The following RBMS3 variants were observed in gnomAD, a reference collection of about 807,000 sequenced individuals.
RBMS3 encodes RNA-binding motif, single-stranded-interacting protein 3.
A neutral mutation model predicts 66.8 loss-of-function variants in RBMS3; 27 were observed. That is an observed-to-expected ratio of 0.40 (90% CI 0.30 to 0.56). The LOEUF is 0.56. Ranked by LOEUF, RBMS3 falls within the 20% of genes least tolerant of loss-of-function variation. The pLI, the probability that RBMS3 is intolerant of heterozygous loss-of-function variation, is 0.40. For missense variants in RBMS3, 513 were observed against 549.5 expected, an observed-to-expected ratio of 0.93 and a Z score of 0.66; for synonymous variants, 188 against 183.0, an observed-to-expected ratio of 1.03 and a Z score of -0.22.
chr3:29,409,922 T>C (rs1007785940), intron 1 of RBMS3, among the ~76,000 whole-genome samples: 3 of 152,148 alleles, frequency 2.0e-5, no homozygotes, highest in African/African-American at 7.2e-5. Context: ...GGGTCTGTTA[T>C]TGGATTGCAG....
At chr3:29,374,403 C>T (rs1270943262) in intron 1 of RBMS3, among the ~76,000 whole-genome samples, 1 of 152,142 alleles carries the variant, frequency 6.6e-6, no homozygotes, top group Non-Finnish European at 1.5e-5. Context: ...ATCATAGAAA[C>T]TTGGATAGAA....
At position 29,527,147 on chromosome 3, in the gene RBMS3, A is replaced by C. The variant is rs530308807; in HGVS notation, c.307+38648A>C. 1.0e-4 allele frequency among the ~76,000 whole-genome samples: 15 copies of C among 145,776 alleles called. No individual in the cohort carries two copies. In the South Asian group the frequency reaches 3.2e-3, roughly 31 times the overall value. ...GATATCTAGGAGGACCCAACGAGTGACAATAGGGTTTCAGACGTGATTGTT... is the reference window on the plus strand; with the variant it reads ...GATATCTAGGAGGACCCAACGAGTGCCAATAGGGTTTCAGACGTGATTGTT... On this transcript the variant is annotated intron_variant, in intron 3 of 14. Coordinates refer to ENST00000383767, the MANE Select transcript of RBMS3 (RefSeq NM_001003793.3).
chr3:29,680,422 G>C (rs557072334), intron 4 of RBMS3, among the ~76,000 whole-genome samples: 3 of 152,132 alleles, frequency 2.0e-5, no homozygotes, highest in Admixed American at 1.3e-4. Context: ...GTAGAGTTTT[G>C]TTGGCATTTC....
At chr3:29,585,857 C>T (rs1452056526) in intron 3 of RBMS3, among the ~76,000 whole-genome samples, 1 of 152,050 alleles carries the variant, frequency 6.6e-6, no homozygotes, top group African/African-American at 2.4e-5. Context: ...TTTTCAAGAG[C>T]ATTTTACAGT....
chr3:29,329,744 T>G (rs911855426), intron 1 of RBMS3, among the ~76,000 whole-genome samples: 9 of 151,052 alleles, frequency 6.0e-5, no homozygotes, highest in African/African-American at 1.9e-4. Context: ...AACTGGTCTT[T>G]TACTCCTAAT....
chr3:29,624,952 A>T (rs939418173), intron 4 of RBMS3, among the ~76,000 whole-genome samples: 2 of 152,126 alleles, frequency 1.3e-5, no homozygotes, highest in Non-Finnish European at 2.9e-5. Context: ...CTATGTGTTG[A>T]GGGAGAGACC....
intron 4 of RBMS3, among the ~76,000 whole-genome samples, chr3:29,715,709 C>A (rs558100893): frequency 5.9e-5 from 9 of 152,218 alleles, no homozygotes; most frequent in African/African-American, 2.2e-4. Context: ...AAGTGAAAAA[C>A]CAATCTCAAT....
At chr3:29,862,761 T>C (rs991400708) in intron 6 of RBMS3, among the ~76,000 whole-genome samples, 2 of 151,506 alleles carry the variant, frequency 1.3e-5, no homozygotes, top group African/African-American at 2.4e-5. Context: ...GGAGAATCAC[T>C]TGAACCCAGG....
At chr3:29,814,261 C>G (rs1269227987) in intron 6 of RBMS3, among the ~76,000 whole-genome samples, 1 of 152,012 alleles carries the variant, frequency 6.6e-6, no homozygotes, top group Non-Finnish European at 1.5e-5. Flanking sequence ...GTCTTTGGTT[C>G]TGTTTATATG....
intron 6 of RBMS3, among the ~76,000 whole-genome samples, chr3:29,837,321 T>C (rs970714009): frequency 2.0e-5 from 3 of 152,036 alleles, no homozygotes; most frequent in Non-Finnish European, 2.9e-5. Flanking sequence ...ATACGTAGTC[T>C]AGTTTTACTG....
intron 1 of RBMS3, among the ~76,000 whole-genome samples, chr3:29,406,144 A>G (rs2040008681): frequency 6.6e-6 from 1 of 152,172 alleles, no homozygotes; most frequent in Non-Finnish European, 1.5e-5. Context: ...CTTCGGTGCA[A>G]TTCTGAAGGA....
intron 4 of RBMS3, among the ~76,000 whole-genome samples, chr3:29,606,955 G>A (rs2048337263): frequency 6.6e-6 from 1 of 151,808 alleles, no homozygotes; most frequent in Non-Finnish European, 1.5e-5. Flanking sequence ...ACAAACAACA[G>A]GCAAACTATG....
At chr3:29,994,068 G>T (rs1219637764) in intron 14 of RBMS3, among the ~76,000 whole-genome samples, 1 of 152,194 alleles carries the variant, frequency 6.6e-6, no homozygotes, top group African/African-American at 2.4e-5. Flanking sequence ...GTCAGTGGGT[G>T]CATGCACCGT....
At chr3:29,497,972 C>CTTTTTTTT (rs1559412873) in intron 3 of RBMS3, among the ~76,000 whole-genome samples, 2 of 42,332 alleles carry the variant, frequency 4.7e-5, no homozygotes. Flanking sequence ...TAAAAGTATT[C>CTTTTTTTT]ATTTTTTTTT....
At chr3:29,992,391 C>A (rs1698942193) in intron 14 of RBMS3, among the ~76,000 whole-genome samples, 1 of 152,116 alleles carries the variant, frequency 6.6e-6, no homozygotes, top group African/African-American at 2.4e-5. Flanking sequence ...TAGAGACCAT[C>A]CTGGCTAACA....
intron 4 of RBMS3, among the ~76,000 whole-genome samples, chr3:29,618,321 C>T (rs546839563): frequency 6.6e-6 from 1 of 152,098 alleles, no homozygotes; most frequent in Non-Finnish European, 1.5e-5. Flanking sequence ...ATGGTGAAAC[C>T]TCATCTCTAC....
intron 1 of RBMS3, among the ~76,000 whole-genome samples, chr3:29,305,412 G>A (rs1247099333): frequency 6.6e-6 from 1 of 151,894 alleles, no homozygotes; most frequent in Non-Finnish European, 1.5e-5. Flanking sequence ...ACAATGGCTT[G>A]TTCTCAACAC....
At chr3:29,384,435 T>TAATAATAATAATAATAATAATAAG (rs776357215) in intron 1 of RBMS3, among the ~76,000 whole-genome samples, 12 of 141,038 alleles carry the variant, frequency 8.5e-5, no homozygotes, top group Non-Finnish European at 1.7e-4. Flanking sequence ...ATAATAATAA[T>TAATAATAATAATAATAATAATAAG]AAGAAGAAGA....
At chr3:29,305,795 T>C (rs1185179138) in intron 1 of RBMS3, among the ~76,000 whole-genome samples, 1 of 152,054 alleles carries the variant, frequency 6.6e-6, no homozygotes, top group African/African-American at 2.4e-5. Flanking sequence ...ATGATACTTA[T>C]GCACATGCTC....
Sources: allele counts gnomAD v4.1 joint callset (sites outside exome capture counted in the v4.1 genomes callset), GRCh38; gene constraint gnomAD v4.1.1; transcripts MANE v1.5; gene names NCBI Gene and HGNC (gene_info 2026-07-23, HGNC 2026-07-21).